TBX10: variants seen among roughly 807,000 people sequenced by gnomAD.
The protein encoded by TBX10 is T-box transcription factor TBX10.
A neutral mutation model predicts 32.4 loss-of-function variants in TBX10; 26 were observed. That is an observed-to-expected ratio of 0.80 (90% confidence interval 0.59 to 1.11). TBX10 has a LOEUF of 1.11. TBX10 is among the 50% of genes most tolerant of loss of function. The pLI is 0.00. For missense variants in TBX10, 490 were observed against 494.5 expected, an observed-to-expected ratio of 0.99 and a Z score of 0.09; for synonymous variants, 195 against 203.1, an observed-to-expected ratio of 0.96 and a Z score of 0.34.
chr11:67,631,720 T>A lies in TBX10; in HGVS notation c.1043A>T (p.Tyr348Phe), dbSNP rs1266652801. Residue 348 changes from tyrosine (Y) to phenylalanine (F), a missense_variant, in exon 8 of 8, where the codon TAC (tyrosine) becomes TTC (phenylalanine). Coordinates refer to ENST00000335385, the MANE Select transcript of TBX10 (RefSeq NM_005995.5). ...LGIPRTRPAP[Y>F]PLPNIRADRD... ...ATCAGCCCGGATGTTGGGGAGGGGG[T>A]ATGGTGCTGGTCGGGTCCTTGGGAT... 1.9e-6 allele frequency: 3 copies of A among 1,605,120 alleles called. No homozygotes were observed. In the African/African-American group the frequency reaches 4.0e-5, roughly 22 times the overall value.
In TBX10 at chr11:67,634,206, G is replaced by T. The variant is rs766413146; in HGVS notation, c.532C>A (p.Leu178Met). Residue 178 changes from leucine to methionine, a missense_variant, in exon 4 of 8, where the codon CTG (leucine) becomes ATG (methionine). Physicochemically the swap from Leu to Met is conservative, Grantham distance 15. This residue lies in a region of TBX10 where 307 missense variants were observed against 294.9 expected (regional missense o/e 1.04). Transcript: ENST00000335385. ...GGCCTCACGTGGCCATTGTCATCCAGCAGGTTGTTGGTCAGCTTGAGCTTG... is the reference window on the plus strand; with the variant it reads ...GGCCTCACGTGGCCATTGTCATCCATCAGGTTGTTGGTCAGCTTGAGCTTG... ...FDKLKLTNNL[L>M]DDNGHIILNS... The T allele has an allele frequency of 2.5e-6, 4 of 1,613,112 alleles. No individual in the cohort carries two copies. Among genetic ancestry groups the T allele is most frequent in the Non-Finnish European group, 3.4e-6 (4 of 1,179,984 alleles).
At chr11:67,632,270 C>T in intron 7 of TBX10, 48 bp downstream of exon 7, 2 of 1,606,496 alleles carry the variant, frequency 1.2e-6, no homozygotes, top group South Asian at 1.1e-5. Context: ...GCCTTCCGCC[C>T]ACTGTGTACA....
intron 1 of TBX10, 65 bp downstream of exon 1, chr11:67,639,401 T>TG: frequency 4.7e-6 from 1 of 213,930 alleles, no homozygotes. Flanking sequence ...GTTCCCACCC[T>TG]GCCCACCCAC....
chr11:67,633,030 T>C lies in TBX10; in HGVS notation c.623A>G (p.Glu208Gly). The C allele has an allele frequency of 6.2e-7, 1 of 1,614,192 alleles. No homozygotes were observed. The highest frequency in any genetic ancestry group is 8.5e-7 in the Non-Finnish European group (1 of 1,180,006). Residue 208 changes from glutamate to glycine, a missense_variant, in exon 5 of 8, where the codon GAG becomes GGG. Transcript: ENST00000335385. ...VVFVDPRKDS[E>G]RYAQENFKSF... is the part of the protein sequence containing the mutation. ...CTTGAAGTTCTCCTGGGCATAGCGC[T>C]CACTGTCCTTGCGTGGGTCCACGAA... is the stretch of plus-strand genomic sequence containing the variant.
upstream of TBX10, among the ~76,000 whole-genome samples, chr11:67,640,223 C>G (rs955660073): frequency 2.6e-5 from 4 of 152,340 alleles, no homozygotes; most frequent in Middle Eastern, 3.4e-3. Context: ...TCCTGTGGCA[C>G]GTGAACCCAC....
chr11:67,639,393 T>TTACCCCCCCCCCCCCCCCCCCC, intron 1 of TBX10, 73 bp downstream of exon 1: 1 of 726,926 alleles, frequency 1.4e-6, no homozygotes, highest in African/African-American at 1.8e-5. Flanking sequence ...CTGTCTTGGT[T>TTACCCCCCCCCCCCCCCCCCCC]CCCACCCTGC....
Position 67,633,077 on chromosome 11 carries a change from G to T in TBX10, c.576C>A (p.Tyr192Ter), listed in dbSNP as rs753627508. The change falls in exon 5 of 8, where the codon TAC becomes TAA. Residue 192 changes from tyrosine to a stop codon, truncating the protein, a stop_gained. Coordinates refer to ENST00000335385, the MANE Select transcript of TBX10 (RefSeq NM_005995.5). LOFTEE classifies it high-confidence loss of function. ...GHIILNSMHR[Y>*]QPRFHVVFVD... is the part of the protein sequence containing the mutation. Reference sequence around the variant, plus strand: ...CGAAGACCACGTGGAAACGGGGCTGGTAGCGGTGCATAGAGTTGAGAATGA... The same window carrying T: ...CGAAGACCACGTGGAAACGGGGCTGTTAGCGGTGCATAGAGTTGAGAATGA... 1 of 1,614,118 alleles carries T rather than the reference G, an allele frequency of 6.2e-7. No homozygotes were observed. The highest frequency in any genetic ancestry group is 1.1e-5 in the South Asian group (1 of 91,092).
At chr11:67,635,408 C>G (rs1419810403) in intron 1 of TBX10, 145 bp from the exon 2 acceptor site, 2 of 1,208,226 alleles carry the variant, frequency 1.7e-6, no homozygotes, top group Non-Finnish European at 2.3e-6. Flanking sequence ...CTCAGCATCA[C>G]TCTGTGAGGT....
In TBX10 at chr11:67,631,514, G is replaced by A. The variant is rs541836460; in HGVS notation, c.*91C>T. On this transcript the variant is annotated 3_prime_UTR_variant, in exon 8 of 8. Coordinates refer to ENST00000335385, the MANE Select transcript of TBX10 (RefSeq NM_005995.5). ...CACCTACCCTGCTCTCCTTGAGACAGAGATGGGGCTGGAGGGGGCGGGGCA... is the reference window on the plus strand; with the variant it reads ...CACCTACCCTGCTCTCCTTGAGACAAAGATGGGGCTGGAGGGGGCGGGGCA... 4 of 1,484,834 alleles carry A rather than the reference G, an allele frequency of 2.7e-6. No individual in the cohort carries two copies. The highest frequency in any genetic ancestry group is 3.9e-5 in the Admixed American group (2 of 51,006). The allele number at this position is 1,484,834 out of a possible 1,614,324, so 92.0% of individuals were successfully genotyped here.
intron 3 of TBX10, 38 bp from the exon 4 acceptor site, chr11:67,634,398 C>T: frequency 6.3e-7 from 1 of 1,598,020 alleles, no homozygotes; most frequent in Non-Finnish European, 8.5e-7. Flanking sequence ...CTTCCCCAAC[C>T]AGAGTCACGC....
In TBX10 at chr11:67,635,147, T is replaced by C; in HGVS notation, c.124A>G (p.Ser42Gly). The C allele has an allele frequency of 1.2e-6, 2 of 1,613,786 alleles. No individual in the cohort carries two copies. Among genetic ancestry groups the C allele is most frequent in the South Asian group, 2.2e-5 (2 of 91,088 alleles). The stretch of plus-strand genomic sequence containing the variant: ...GCCACAGCTTGGGCCCCAGTAGAGC[T>C]GGTGCAAGGGCCTGATGGGAATGGT... ...GSPFPSGPCT[S>G]STGAQAVAEP... Residue 42 changes from serine (S) to glycine (G), a missense_variant, in exon 2 of 8, where the codon AGC (serine) becomes GGC (glycine). By Grantham distance (56) the Ser-to-Gly change is moderately conservative (BLOSUM62 0). Around this residue, in one of 3 missense-constraint regions of TBX10, gnomAD observed 307 missense variants for 294.9 expected, o/e 1.04. Transcript: ENST00000335385.
chr11:67,640,263 G>A (rs990104961), upstream of TBX10, among the ~76,000 whole-genome samples: 33 of 152,246 alleles, frequency 2.2e-4, 1 homozygote, highest in Non-Finnish European at 2.9e-5. Context: ...AACTCAGGGA[G>A]CTGCGCAACG....
rs113017938 is a variant in TBX10 at position 67,632,218 on chromosome 11, C to T, written c.868+100G>A. ...TGTCCACACAGGGGCCCTGTGGGTTCGCTGAGCTGCTGAAGCCCCTTCCTG... is the reference window on the plus strand; with the variant it reads ...TGTCCACACAGGGGCCCTGTGGGTTTGCTGAGCTGCTGAAGCCCCTTCCTG... On this transcript the variant is annotated intron_variant, in intron 7 of 7. Coordinates refer to ENST00000335385, the MANE Select transcript of TBX10 (RefSeq NM_005995.5). 9.4e-3 allele frequency: 12,985 copies of T among 1,385,548 alleles called. 962 individuals carry two copies. The African/African-American group carries it at 0.16, about 17-fold the overall frequency. 85.8% of individuals were successfully genotyped at this position (1,385,548 alleles called of 1,614,324 possible). A position where few individuals can be genotyped will look rare whatever the true frequency, so the allele number is the denominator to read the frequency against.
chr11:67,631,961 C>T (rs566570035), intron 7 of TBX10, 67 bp from the exon 8 acceptor site: 1 of 1,547,000 alleles, frequency 6.5e-7, no homozygotes, highest in South Asian at 1.2e-5. Context: ...CAGGCCTGCC[C>T]TGGTCCCTTC....
At chr11:67,635,317 T>G in intron 1 of TBX10, 54 bp from the exon 2 acceptor site, 1 of 1,609,764 alleles carries the variant, frequency 6.2e-7, no homozygotes, top group Non-Finnish European at 8.5e-7. Context: ...CCAGCTCTTA[T>G]CCTTCAGGCT....
intron 6 of TBX10, 37 bp downstream of exon 6, chr11:67,632,566 G>GT: frequency 2.5e-6 from 4 of 1,608,926 alleles, no homozygotes; most frequent in Non-Finnish European, 3.4e-6. Context: ...TATGCCTGGG[G>GT]TGGGGGTGAG....
intron 1 of TBX10, among the ~76,000 whole-genome samples, chr11:67,638,025 C>T (rs558431460): frequency 7.9e-5 from 12 of 151,998 alleles, no homozygotes; most frequent in South Asian, 2.1e-4. Context: ...CTGGCCATCA[C>T]GGCAAACCCT....
upstream of TBX10, among the ~76,000 whole-genome samples, chr11:67,640,328 A>G (rs1196475050): frequency 6.6e-6 from 1 of 152,154 alleles, no homozygotes. Flanking sequence ...CTAAGCACAT[A>G]ATCTCTTCCG....
rs1349873140 is a variant in TBX10, at chr11:67,634,927, G to A, written c.276-10C>T. 3 of 1,613,060 alleles carry A rather than the reference G, an allele frequency of 1.9e-6. No homozygotes were observed. Among genetic ancestry groups the A allele is most frequent in the Non-Finnish European group, 2.5e-6 (3 of 1,179,984 alleles). ...GGGGGGGAACATCCTCCTGCGGGAG[G>A]GAGGTGCTCAGCAGCCGGATGCGGC... is the stretch of plus-strand genomic sequence containing the variant. On this transcript the variant is annotated splice_polypyrimidine_tract_variant and intron_variant, in intron 2 of 7. Transcript: ENST00000335385.
Sources: gnomAD v4.1 joint callset for allele counts (sites outside exome capture counted in the v4.1 genomes callset) on GRCh38, gnomAD v4.1.1 for gene constraint, gnomAD v4.1.1 regional missense constraint, MANE v1.5 for transcripts, NCBI Gene and HGNC (gene_info 2026-07-23, HGNC 2026-07-21) for gene names.